Variants in PDE3B observed in about 807,000 individuals in gnomAD.
PDE3B encodes cGMP-inhibited 3',5'-cyclic phosphodiesterase 3B.
A neutral mutation model predicts 116.8 loss-of-function variants in PDE3B; 66 were observed. The ratio of observed to expected loss-of-function variants is 0.56; its 90% CI spans 0.46 to 0.69. PDE3B has a LOEUF of 0.69. Among genes scored for constraint, PDE3B ranks in the 30% least tolerant of loss-of-function variants. The pLI is 0.00. For missense variants in PDE3B, 1,384 were observed against 1,368.1 expected, an observed-to-expected ratio of 1.01 and a Z score of -0.18; for synonymous variants, 595 against 533.6, an observed-to-expected ratio of 1.12 and a Z score of -1.59.
the PDE3B span, among the ~76,000 whole-genome samples, chr11:14,885,155 A>C: frequency 6.6e-6 from 1 of 152,196 alleles, no homozygotes; most frequent in Non-Finnish European, 1.5e-5. Context: ...TTTAGTAAAA[A>C]TTCTTATACT....
intron 12 of PDE3B, among the ~76,000 whole-genome samples, chr11:14,850,465 G>A (rs1377652597): frequency 6.6e-6 from 1 of 151,616 alleles, no homozygotes; most frequent in Non-Finnish European, 1.5e-5. Context: ...TTGTGCACAT[G>A]TACCCTAAAA....
intron 1 of PDE3B, among the ~76,000 whole-genome samples, chr11:14,667,191 A>C (rs1031281157): frequency 1.3e-5 from 2 of 151,418 alleles, no homozygotes; most frequent in African/African-American, 4.9e-5. Flanking sequence ...AGGACAAAAA[A>C]CCAAACACCA....
chr11:14,741,756 C>T (rs974916878), intron 1 of PDE3B, among the ~76,000 whole-genome samples: 2 of 152,126 alleles, frequency 1.3e-5, no homozygotes, highest in South Asian at 2.1e-4. Flanking sequence ...TTAGTGCTTC[C>T]TTTAGGAGCT....
At chr11:14,791,095 T>G (rs919501169) in intron 4 of PDE3B, among the ~76,000 whole-genome samples, 1 of 152,158 alleles carries the variant, frequency 6.6e-6, no homozygotes, top group African/African-American at 2.4e-5. Flanking sequence ...AAGAGCCATA[T>G]GTGACTGTTT....
chr11:14,690,329 A>G (rs1247578820), intron 1 of PDE3B, among the ~76,000 whole-genome samples: 1 of 152,228 alleles, frequency 6.6e-6, no homozygotes, highest in East Asian at 1.9e-4. Flanking sequence ...TAGTTTGTGA[A>G]CAGTTTGTGA....
At chr11:14,873,362 T>C (rs560200031), downstream of PDE3B, among the ~76,000 whole-genome samples, 43 of 152,304 alleles carry the variant, frequency 2.8e-4, 1 homozygote, top group South Asian at 4.1e-4. Context: ...ATTTTGTCTT[T>C]TGACAGAACG....
chr11:14,670,091 A>G (rs1854320027), intron 1 of PDE3B, among the ~76,000 whole-genome samples: 2 of 152,152 alleles, frequency 1.3e-5, no homozygotes, highest in Non-Finnish European at 2.9e-5. Flanking sequence ...TGATTTACAC[A>G]TAGCGGCTTA....
chr11:14,707,988 T>C (rs989217378), intron 1 of PDE3B, among the ~76,000 whole-genome samples: 2 of 152,094 alleles, frequency 1.3e-5, no homozygotes, highest in African/African-American at 4.8e-5. Flanking sequence ...GACTAGGTTA[T>C]TTTATTTAGC....
intron 1 of PDE3B, among the ~76,000 whole-genome samples, chr11:14,664,481 G>T (rs1349640310): frequency 7.9e-5 from 12 of 152,114 alleles, no homozygotes; most frequent in African/African-American, 2.9e-4. Flanking sequence ...TCCAGGAGCT[G>T]GTTTTTTGAA....
At chr11:14,831,157 C>G (rs1272803093) in intron 8 of PDE3B, among the ~76,000 whole-genome samples, 1 of 151,422 alleles carries the variant, frequency 6.6e-6, no homozygotes, top group African/African-American at 2.4e-5. Flanking sequence ...AGAATATGTG[C>G]ATGTTACTAA....
intron 11 of PDE3B, 70 bp from the exon 12 acceptor site, chr11:14,843,757 C>A: frequency 8.6e-7 from 1 of 1,157,104 alleles, no homozygotes; most frequent in Non-Finnish European, 1.3e-6. Context: ...TATGAGAATC[C>A]CCTCCATAGC....
chr11:14,810,364 G>A (rs1292728585), intron 5 of PDE3B, among the ~76,000 whole-genome samples: 1 of 132,028 alleles, frequency 7.6e-6, no homozygotes, highest in East Asian at 2.2e-4. Flanking sequence ...TCCCCTTCCT[G>A]TGTCCATGTG....
intron 11 of PDE3B, among the ~76,000 whole-genome samples, chr11:14,836,481 A>T (rs187537506): frequency 6.6e-6 from 1 of 152,080 alleles, no homozygotes; most frequent in Non-Finnish European, 1.5e-5. Context: ...GGTTTCTATC[A>T]TGCTCTTCAA....
chr11:14,757,841 C>T (rs1857240800), intron 1 of PDE3B, among the ~76,000 whole-genome samples: 1 of 149,554 alleles, frequency 6.7e-6, no homozygotes, highest in Non-Finnish European at 1.5e-5. Context: ...GCTTTTGTTG[C>T]CATTGCTTTT....
chr11:14,693,661 AT>A (rs1395884251), intron 1 of PDE3B, among the ~76,000 whole-genome samples: 1 of 152,220 alleles, frequency 6.6e-6, no homozygotes, highest in African/African-American at 2.4e-5. Context: ...GCTCAAAAAA[AT>A]ATATTCCTTT....
At chr11:14,721,088 A>C (rs750382334) in intron 1 of PDE3B, among the ~76,000 whole-genome samples, 1,716 of 146,286 alleles carry the variant, frequency 0.012, 36 homozygotes, top group African/African-American at 0.042. Flanking sequence ...GAAAAAAACA[A>C]ACAACCCCAT....
intron 1 of PDE3B, among the ~76,000 whole-genome samples, chr11:14,683,767 G>C (rs1314742174): frequency 6.6e-6 from 1 of 151,708 alleles, no homozygotes; most frequent in Admixed American, 6.6e-5. Flanking sequence ...TTAGATGATT[G>C]ATTTTAGAGT....
intron 1 of PDE3B, among the ~76,000 whole-genome samples, chr11:14,690,616 CTT>C (rs111280188): frequency 7.6e-4 from 102 of 134,162 alleles, no homozygotes; most frequent in East Asian, 1.1e-3. Context: ...ATTTTGCTTC[CTT>C]TTTTTTTTTT....
chr11:14,832,766 T>C lies in PDE3B; in HGVS notation c.2139T>C (p.Phe713=). 1 of 1,528,156 alleles carries C rather than the reference T, an allele frequency of 6.5e-7. No homozygotes were observed. Among genetic ancestry groups the C allele is most frequent in the African/African-American group, 1.4e-5 (1 of 72,378 alleles). The allele number at this position is 1,528,156 out of a possible 1,614,324, so 94.7% of individuals were successfully genotyped here. A position where few individuals can be genotyped will look rare whatever the true frequency, so the allele number is the denominator to read the frequency against. ...LFQDTGLLEI[F]KIPTQQFMNY... is the part of the protein sequence containing the mutation. The stretch of plus-strand genomic sequence containing the variant: ...AAGACACTGGTTTATTGGAAATATT[T>C]AAAATTCCCACTCAACAATTTATGA... The change falls in exon 10 of 16, where the codon TTT becomes TTC. Residue 713 remains phenylalanine (F), a synonymous_variant. Coordinates refer to ENST00000282096, the MANE Select transcript of PDE3B (RefSeq NM_000922.4).
Sources: allele counts gnomAD v4.1 joint callset (sites outside exome capture counted in the v4.1 genomes callset), GRCh38; gene constraint gnomAD v4.1.1; transcripts MANE v1.5; gene names NCBI Gene and HGNC (gene_info 2026-07-23, HGNC 2026-07-21).